The following CNTN1 variants were observed in gnomAD, a reference collection of about 807,000 sequenced individuals.
CNTN1 encodes contactin 1.
A neutral mutation model predicts 126.4 loss-of-function variants in CNTN1; 38 were observed. The ratio of observed to expected loss-of-function variants is 0.30; its 90% CI spans 0.23 to 0.39. The LOEUF (loss-of-function observed/expected upper bound fraction) is 0.39. CNTN1 is among the 10% of genes least tolerant of loss of function. The probability of loss-of-function intolerance (pLI) is 1.00; values close to 1 mark genes in which losing one functional copy is unlikely to be tolerated. For missense variants in CNTN1, 1,009 were observed against 1,248.4 expected (o/e 0.81, Z 2.89); for synonymous variants, 413 against 422.6 (o/e 0.98, Z 0.28).
rs12370090 is a variant in CNTN1 at position 40,740,983 on chromosome 12, C to A, written c.-77+48391C>A. Among the ~76,000 whole-genome samples, 285 of 152,088 alleles carry A rather than the reference C, an allele frequency of 1.9e-3. 2 individuals carry two copies. The highest frequency in any genetic ancestry group is 3.4e-3 in the Middle Eastern group (1 of 294). ...TTCAGTCTTGGGTATTTCTTCTTAG[C>A]AGTATGAAAATGGACTAATACCCCT... On this transcript the variant is annotated intron_variant, in intron 1 of 23. Coordinates refer to ENST00000551295, the MANE Select transcript of CNTN1 (RefSeq NM_001843.4).
chr12:40,696,543 T>C (rs1941457051), intron 1 of CNTN1, among the ~76,000 whole-genome samples: 1 of 152,208 alleles, frequency 6.6e-6, no homozygotes, highest in African/African-American at 2.4e-5. Context: ...GTGCTTCTAC[T>C]TTCCTTTGAA....
chr12:40,750,513 TG>T lies in CNTN1; in HGVS notation c.-77+57924del, dbSNP rs1460530144. Among the ~76,000 whole-genome samples the T allele has an allele frequency of 2.0e-5, 3 of 152,020 alleles. No individual in the cohort carries two copies. The East Asian group carries it at 5.8e-4, about 29-fold the overall frequency. On this transcript the variant is annotated intron_variant, in intron 1 of 23. Coordinates refer to ENST00000551295, the MANE Select transcript of CNTN1 (RefSeq NM_001843.4). ...TTTTTTAAAAAAGAATTAGAAAGCA[TG>T]GGTATTAGCTGTGCATGGTGGCTCA...
intron 22 of CNTN1, among the ~76,000 whole-genome samples, chr12:41,028,723 T>C (rs1949084114): frequency 6.6e-6 from 1 of 152,188 alleles, no homozygotes; most frequent in Non-Finnish European, 1.5e-5. Context: ...GAGACAATTT[T>C]CAGACCATTT....
chr12:40,973,540 T>C (rs1347021305), intron 15 of CNTN1, among the ~76,000 whole-genome samples: 1 of 152,142 alleles, frequency 6.6e-6, no homozygotes, highest in East Asian at 1.9e-4. Flanking sequence ...TTGGTAAAAA[T>C]AAACAGTTAA....
chr12:40,805,102 G>A (rs1119059), intron 1 of CNTN1, among the ~76,000 whole-genome samples: 83,565 of 151,638 alleles, frequency 0.55, 23,369 homozygotes, highest in East Asian at 0.71. Flanking sequence ...TTTTATTTTC[G>A]TCAGTGTGAC....
chr12:40,897,286 T>C (rs1434282618), intron 1 of CNTN1, among the ~76,000 whole-genome samples: 1 of 152,166 alleles, frequency 6.6e-6, no homozygotes, highest in Non-Finnish European at 1.5e-5. Context: ...ATGCTTAGAC[T>C]GTTTCCTCTT....
At chr12:40,984,967 A>ATATATGTATG (rs1947918297) in intron 16 of CNTN1, among the ~76,000 whole-genome samples, 1 of 152,098 alleles carries the variant, frequency 6.6e-6, no homozygotes, top group East Asian at 1.9e-4. Flanking sequence ...TATAATTACA[A>ATATATGTATG]AATTACCTTT....
chr12:40,996,219 C>T (rs1221504801), intron 17 of CNTN1, among the ~76,000 whole-genome samples: 1 of 151,836 alleles, frequency 6.6e-6, no homozygotes, highest in Non-Finnish European at 1.5e-5. Context: ...GCAGCCTCGA[C>T]CTCCAGGTCT....
chr12:40,755,637 G>A (rs1476442035), intron 1 of CNTN1, among the ~76,000 whole-genome samples: 1 of 152,020 alleles, frequency 6.6e-6, no homozygotes, highest in African/African-American at 2.4e-5. Flanking sequence ...TTGAGCCTAG[G>A]AGTTTGAGAT....
chr12:40,710,466 G>A (rs746446370), intron 1 of CNTN1, among the ~76,000 whole-genome samples: 1 of 152,068 alleles, frequency 6.6e-6, no homozygotes, highest in African/African-American at 2.4e-5. Flanking sequence ...ATTACCAAAC[G>A]ATGACACAGA....
intron 1 of CNTN1, among the ~76,000 whole-genome samples, chr12:40,702,465 A>G (rs959682204): frequency 6.6e-6 from 1 of 151,978 alleles, no homozygotes; most frequent in African/African-American, 2.4e-5. Context: ...TCTCTTTGAG[A>G]CAGCGTTTCG....
chr12:40,871,208 A>C (rs915769453), intron 1 of CNTN1, among the ~76,000 whole-genome samples: 12 of 121,452 alleles, frequency 9.9e-5, no homozygotes, highest in African/African-American at 4.0e-4. Context: ...AAAAAAAAAA[A>C]AAAAAACAGA....
At chr12:40,783,130 T>A (rs1293562856) in intron 1 of CNTN1, among the ~76,000 whole-genome samples, 1 of 151,954 alleles carries the variant, frequency 6.6e-6, no homozygotes, top group Non-Finnish European at 1.5e-5. Flanking sequence ...GGAGCTCAGC[T>A]TCATTTATTC....
At chr12:40,833,119 A>C (rs1479375999) in intron 1 of CNTN1, among the ~76,000 whole-genome samples, 1 of 151,688 alleles carries the variant, frequency 6.6e-6, no homozygotes, top group Non-Finnish European at 1.5e-5. Flanking sequence ...CCAGTGGCGC[A>C]GTCTCGGCTC....
intron 17 of CNTN1, among the ~76,000 whole-genome samples, chr12:41,009,830 C>T (rs950137853): frequency 4.6e-5 from 7 of 152,152 alleles, no homozygotes; most frequent in African/African-American, 1.7e-4. Flanking sequence ...CTCATTGTTC[C>T]TTCAGTTGCC....
intron 23 of CNTN1, among the ~76,000 whole-genome samples, chr12:41,059,632 C>T (rs1207494135): frequency 1.3e-5 from 2 of 152,140 alleles, no homozygotes; most frequent in African/African-American, 4.8e-5. Context: ...AATAATGATA[C>T]ATACTTTAAC....
chr12:40,726,566 A>C (rs1942356208), intron 1 of CNTN1, among the ~76,000 whole-genome samples: 1 of 152,168 alleles, frequency 6.6e-6, no homozygotes, highest in African/African-American at 2.4e-5. Context: ...GGGGGAAACC[A>C]CCACCATGAT....
chr12:40,935,647 G>A lies in CNTN1; in HGVS notation c.986-1134G>A, dbSNP rs999451003. Among the ~76,000 whole-genome samples the A allele has an allele frequency of 1.3e-5, 2 of 151,998 alleles. 1 individual carries two copies. The highest frequency in any genetic ancestry group is 2.9e-5 in the Non-Finnish European group (2 of 67,962). On this transcript the variant is annotated intron_variant, in intron 9 of 23. Transcript: ENST00000551295. Reference sequence around the variant, plus strand: ...ATATTCCTGTATTATGTATTGCTAAGATTGTATACAAAATAAAACCTTTCT... The same window carrying A: ...ATATTCCTGTATTATGTATTGCTAAAATTGTATACAAAATAAAACCTTTCT...
At chr12:40,808,531 A>G (rs1240529012) in intron 1 of CNTN1, among the ~76,000 whole-genome samples, 4 of 151,824 alleles carry the variant, frequency 2.6e-5, no homozygotes, top group Non-Finnish European at 5.9e-5. Flanking sequence ...ATTAAAATGT[A>G]TAGGAATGAT....
Sources: gnomAD v4.1 joint callset for allele counts (sites outside exome capture counted in the v4.1 genomes callset) on GRCh38, gnomAD v4.1.1 for gene constraint, MANE v1.5 for transcripts, NCBI Gene and HGNC (gene_info 2026-07-23, HGNC 2026-07-21) for gene names.